Variants in PHF2 observed in about 807,000 individuals in gnomAD.
PHF2 encodes lysine-specific demethylase PHF2.
A neutral mutation model predicts 120.5 loss-of-function variants in PHF2; 27 were observed. The observed-to-expected ratio is 0.22, with a 90% CI of 0.17 to 0.31. PHF2 has a LOEUF of 0.31. Ranked by LOEUF, PHF2 falls within the 10% of genes least tolerant of loss-of-function variation. The pLI is 1.00. For missense variants in PHF2, 1,024 were observed against 1,434.8 expected, an observed-to-expected ratio of 0.71 and a Z score of 4.63; for synonymous variants, 568 against 592.5, an observed-to-expected ratio of 0.96 and a Z score of 0.60.
chr9:93,670,271 G>A (rs1238277630), intron 17 of PHF2, among the ~76,000 whole-genome samples: 1 of 152,224 alleles, frequency 6.6e-6, no homozygotes, highest in Non-Finnish European at 1.5e-5. Context: ...GGCCTCCCCT[G>A]TAAGGTGGGG....
At chr9:93,664,636 G>A (rs1014325401) in intron 14 of PHF2, among the ~76,000 whole-genome samples, 4 of 152,234 alleles carry the variant, frequency 2.6e-5, no homozygotes, top group Non-Finnish European at 4.4e-5. Context: ...AGGGCAACAC[G>A]CGAGGCCATT....
At chr9:93,628,707 C>T (rs1489996699) in intron 1 of PHF2, among the ~76,000 whole-genome samples, 2 of 152,142 alleles carry the variant, frequency 1.3e-5, no homozygotes, top group African/African-American at 4.8e-5. Flanking sequence ...GGGGAATGTC[C>T]CTTTTTAAAT....
chr9:93,650,070 C>T (rs765429976), intron 5 of PHF2, among the ~76,000 whole-genome samples: 22 of 150,906 alleles, frequency 1.5e-4, no homozygotes, highest in Non-Finnish European at 2.2e-4. Context: ...CACCCATGGA[C>T]GTACTCATGA....
At chr9:93,643,367 G>A (rs1826199840) in intron 3 of PHF2, among the ~76,000 whole-genome samples, 1 of 152,188 alleles carries the variant, frequency 6.6e-6, no homozygotes, top group African/African-American at 2.4e-5. Context: ...AGGTGGATGG[G>A]AGGCCTTCCC....
At position 93,593,104 on chromosome 9, in the gene PHF2, A is replaced by AG. The variant is rs1564373942; in HGVS notation, c.98+16233_98+16234insG. Among the ~76,000 whole-genome samples the AG allele has an allele frequency of 1.6e-3, 31 of 18,970 alleles. 3 individuals are homozygous for AG. Among genetic ancestry groups the AG allele is most frequent in the African/African-American group, 4.0e-3 (30 of 7,576 alleles). The allele number at this position is 18,970 out of a possible 152,430, so 12.4% of individuals were successfully genotyped here. On this transcript the variant is annotated intron_variant, in intron 1 of 21. Transcript: ENST00000359246. The stretch of plus-strand genomic sequence containing the variant: ...TATGCCAAAAAAAAAAAAAAAAAAA[A>AG]AAAAAAAGAAAAAAAAAGGACTAAG...
chr9:93,667,159 A>G lies in PHF2; in HGVS notation c.2267A>G (p.Glu756Gly), dbSNP rs768243040. ...KPGRNARVKKESGSSAAGILD... is the reference protein window; with the variant it reads ...KPGRNARVKKGSGSSAAGILD... The stretch of plus-strand genomic sequence containing the variant: ...GGCCGCAATGCCAGAGTCAAGAAGG[A>G]GAGTGGGAGCTCGGCAGCTGGCATC... The change falls in exon 17 of 22, where the codon GAG becomes GGG. Residue 756 changes from glutamate (E) to glycine (G), a missense_variant. By Grantham distance (98) the Glu-to-Gly change is moderately conservative. Transcript: ENST00000359246. The G allele has an allele frequency of 1.9e-6, 3 of 1,613,128 alleles. No individual in the cohort carries two copies. Among genetic ancestry groups the G allele is most frequent in the Non-Finnish European group, 1.7e-6 (2 of 1,179,984 alleles).
At chr9:93,635,641 G>A (rs987734087) in intron 2 of PHF2, among the ~76,000 whole-genome samples, 2 of 152,212 alleles carry the variant, frequency 1.3e-5, no homozygotes, top group African/African-American at 4.8e-5. Flanking sequence ...AGAGGTGTGT[G>A]TGTGCGCATA....
chr9:93,667,333 C>T (rs963884968), intron 17 of PHF2, 93 bp downstream of exon 17: 10 of 1,460,562 alleles, frequency 6.8e-6, no homozygotes, highest in Middle Eastern at 2.3e-4. Context: ...GCGAGGCAGA[C>T]GCACAGCTGG....
Position 93,676,684 on chromosome 9 carries a change from G to C in PHF2, c.2923G>C (p.Gly975Arg). The stretch of plus-strand genomic sequence containing the variant: ...TTCCACCTCCACCTCCATCTCTGCC[G>C]GCACCACCTCCACCTCCACCACGCC... The part of the protein sequence containing the change: ...SPSTSTSISA[G>R]TTSTSTTPAS... Residue 975 changes from glycine to arginine, a missense_variant, in exon 21 of 22, where the codon GGC becomes CGC. Physicochemically the swap from Gly to Arg is moderately radical, Grantham distance 125. This residue lies in a region of PHF2 where 677 missense variants were observed against 857.4 expected (regional missense o/e 0.79). Transcript: ENST00000359246. The C allele has an allele frequency of 1.3e-6, 2 of 1,574,570 alleles. No individual in the cohort carries two copies. The highest frequency in any genetic ancestry group is 4.7e-5 in the East Asian group (2 of 42,836).
rs1554800845 is a variant in PHF2 at position 93,676,722 on chromosome 9, C to CCCGGCCTCCACCACA, written c.2975_2976insACCGGCCTCCACCAC (p.Thr992_Thr996dup). 73 of 1,552,584 alleles carry CCCGGCCTCCACCACA rather than the reference C, an allele frequency of 4.7e-5. No individual in the cohort carries two copies. The highest frequency in any genetic ancestry group is 3.9e-4 in the East Asian group (16 of 41,126). ...CCTCCACCACGCCAGCCTCTACCAC[C>CCCGGCCTCCACCACA]CCGGCCTCCACCACCCCGGCCTCCA... On this transcript the variant is annotated inframe_insertion, in exon 21 of 22. Coordinates refer to ENST00000359246, the MANE Select transcript of PHF2 (RefSeq NM_005392.4).
intron 20 of PHF2, among the ~76,000 whole-genome samples, chr9:93,676,029 A>G (rs1029244878): frequency 6.6e-6 from 1 of 152,182 alleles, no homozygotes; most frequent in African/African-American, 2.4e-5. Flanking sequence ...GGACAGCCCT[A>G]TTCGTGCCAA....
intron 1 of PHF2, among the ~76,000 whole-genome samples, chr9:93,614,723 C>T (rs555073820): frequency 2.0e-5 from 3 of 151,786 alleles, no homozygotes; most frequent in African/African-American, 7.3e-5. Context: ...CTACTCCCTG[C>T]CAGAAATGAA....
chr9:93,666,137 C>A, intron 16 of PHF2, 77 bp downstream of exon 16: 1 of 1,483,718 alleles, frequency 6.7e-7, no homozygotes, highest in Non-Finnish European at 9.3e-7. Flanking sequence ...TTGAGTGACT[C>A]CAGGGCGGTC....
At chr9:93,667,004 T>C (rs1307700989) in intron 16 of PHF2, 76 bp from the exon 17 acceptor site, 1 of 1,248,710 alleles carries the variant, frequency 8.0e-7, no homozygotes, top group African/African-American at 1.6e-5. Context: ...AGGGAAAAAG[T>C]ATCCTCCTCC....
At chr9:93,671,485 A>T (rs10992847) in intron 17 of PHF2, among the ~76,000 whole-genome samples, 7 of 73,024 alleles carry the variant, frequency 9.6e-5, no homozygotes, top group South Asian at 4.2e-4. Flanking sequence ...TGGGTGTGGG[A>T]GTAGGTACAG....
At chr9:93,655,709 G>T (rs145002575) in intron 7 of PHF2, among the ~76,000 whole-genome samples, 169 of 152,376 alleles carry the variant, frequency 1.1e-3, no homozygotes, top group African/African-American at 3.9e-3. Context: ...CTTCCATGGA[G>T]GCTGGGGTTG....
chr9:93,613,970 C>T (rs1367929450), intron 1 of PHF2, among the ~76,000 whole-genome samples: 2 of 152,184 alleles, frequency 1.3e-5, no homozygotes, highest in African/African-American at 2.4e-5. Flanking sequence ...TGCCTCTACA[C>T]ATCCCTTTCT....
At chr9:93,600,803 CCT>C (rs1022773602) in intron 1 of PHF2, among the ~76,000 whole-genome samples, 2 of 152,336 alleles carry the variant, frequency 1.3e-5, no homozygotes, top group East Asian at 3.9e-4. Flanking sequence ...GGGAGGCCAG[CCT>C]CTCATTCAAA....
At chr9:93,623,892 C>G (rs1298899241) in intron 1 of PHF2, among the ~76,000 whole-genome samples, 2 of 152,210 alleles carry the variant, frequency 1.3e-5, no homozygotes. Flanking sequence ...CGTCTAGGGC[C>G]CAAGACCCTG....
Sources: gnomAD v4.1 joint callset for allele counts (sites outside exome capture counted in the v4.1 genomes callset) on GRCh38, gnomAD v4.1.1 for gene constraint, gnomAD v4.1.1 regional missense constraint, MANE v1.5 for transcripts, NCBI Gene and HGNC (gene_info 2026-07-23, HGNC 2026-07-21) for gene names.